TACC2: variants seen among roughly 807,000 people sequenced by gnomAD.
The protein encoded by TACC2 is transforming acidic coiled-coil containing protein 2.
In TACC2, 137 loss-of-function variants were observed where a neutral mutation model predicts 227.3. The ratio of observed to expected loss-of-function variants is 0.60; its 90% CI spans 0.52 to 0.69. TACC2 has a LOEUF of 0.69. Among genes scored for constraint, TACC2 ranks in the 30% least tolerant of loss-of-function variants. The probability of loss-of-function intolerance (pLI) is 0.00; values close to 1 mark genes in which losing one functional copy is unlikely to be tolerated. For synonymous variants in TACC2, 1,523 were observed against 1,487.5 expected, an observed-to-expected ratio of 1.02 and a Z score of -0.55; for missense variants, 3,470 against 3,694.4, an observed-to-expected ratio of 0.94 and a Z score of 1.57.
chr10:122,134,327 A>G (rs1183338450), intron 6 of TACC2, among the ~76,000 whole-genome samples: 1 of 150,744 alleles, frequency 6.6e-6, no homozygotes, highest in East Asian at 2.0e-4. Flanking sequence ...GTGCGCCACC[A>G]TGCCCACCTA....
chr10:122,236,022 T>C (rs2095851548), intron 16 of TACC2, among the ~76,000 whole-genome samples: 1 of 152,184 alleles, frequency 6.6e-6, no homozygotes, highest in Admixed American at 6.5e-5. Context: ...ACCCTGCATG[T>C]ATACAGCTAA....
At chr10:122,173,884 GC>G (rs1202405199) in intron 7 of TACC2, among the ~76,000 whole-genome samples, 3 of 152,176 alleles carry the variant, frequency 2.0e-5, no homozygotes, top group Non-Finnish European at 4.4e-5. Context: ...TTACCCTCCA[GC>G]CCCATGCACG....
intron 11 of TACC2, among the ~76,000 whole-genome samples, chr10:122,223,094 C>T (rs1317520440): frequency 6.9e-6 from 1 of 144,936 alleles, no homozygotes; most frequent in Non-Finnish European, 1.5e-5. Flanking sequence ...CACTCTGTTA[C>T]CCAGGTTGGA....
At chr10:122,165,909 T>C (rs1009318610) in intron 7 of TACC2, among the ~76,000 whole-genome samples, 2 of 152,222 alleles carry the variant, frequency 1.3e-5, no homozygotes, top group African/African-American at 4.8e-5. Context: ...ATTTTTCTAG[T>C]GCAGATGTGC....
intron 2 of TACC2, among the ~76,000 whole-genome samples, chr10:122,041,441 CTTTT>C (rs537169387): frequency 2.1e-5 from 3 of 140,184 alleles, no homozygotes; most frequent in Non-Finnish European, 4.6e-5. Context: ...AGTTTCCTTT[CTTTT>C]TTTTTTTTTT....
At chr10:122,207,213 C>A (rs2095141443) in intron 8 of TACC2, among the ~76,000 whole-genome samples, 1 of 151,850 alleles carries the variant, frequency 6.6e-6, no homozygotes. Context: ...ACAAGAGAAT[C>A]ACTTCAACCT....
At chr10:122,033,015 C>G (rs1194064941) in intron 2 of TACC2, 4 of 928,544 alleles carry the variant, frequency 4.3e-6, no homozygotes, top group Non-Finnish European at 5.9e-6. Context: ...CAAAAAAACC[C>G]CACAAAAACA....
chr10:122,165,849 G>A (rs546615111), intron 7 of TACC2, among the ~76,000 whole-genome samples: 1 of 152,068 alleles, frequency 6.6e-6, no homozygotes, highest in Non-Finnish European at 1.5e-5. Flanking sequence ...GCCATTGCTA[G>A]CATCTGTCCT....
At chr10:122,139,682 T>G (rs1240682204) in intron 6 of TACC2, among the ~76,000 whole-genome samples, 2 of 152,186 alleles carry the variant, frequency 1.3e-5, no homozygotes, top group Non-Finnish European at 2.9e-5. Flanking sequence ...TGCCCTATTA[T>G]GTGATCATGT....
At chr10:122,028,395 T>C (rs1296995758) in intron 2 of TACC2, among the ~76,000 whole-genome samples, 1 of 152,196 alleles carries the variant, frequency 6.6e-6, no homozygotes, top group Admixed American at 6.5e-5. Flanking sequence ...AAGCCTATTT[T>C]ATTTTTCATT....
At chr10:122,233,806 C>T (rs1044884290) in intron 16 of TACC2, among the ~76,000 whole-genome samples, 5 of 152,086 alleles carry the variant, frequency 3.3e-5, no homozygotes, top group African/African-American at 1.2e-4. Flanking sequence ...GCAGGAGCGG[C>T]TGGCTGTTGC....
chr10:122,219,030 A>AG (rs1555153693), intron 11 of TACC2, among the ~76,000 whole-genome samples: 5 of 143,844 alleles, frequency 3.5e-5, no homozygotes, highest in Non-Finnish European at 3.0e-5. Flanking sequence ...AAAAAAAAAA[A>AG]AAAAAGAAAA....
chr10:122,125,850 C>T (rs1353724770), intron 5 of TACC2, among the ~76,000 whole-genome samples: 1 of 143,338 alleles, frequency 7.0e-6, no homozygotes, highest in Non-Finnish European at 1.5e-5. Context: ...AATCTCAGTT[C>T]ACTGCAACTT....
Position 122,211,208 on chromosome 10 carries a change from C to T in TACC2, c.6783C>T (p.Leu2261=), listed in dbSNP as rs373331825. ...GGQEDSPAKG[L]SVRLEFDYSE... ...AAGAGGACTCTCCAGCCAAAGGGCT[C>T]TCCGTAAGGCTGGAGTTTGACTATT... Residue 2261 remains leucine, a synonymous_variant, in exon 9 of 23, where the codon CTC becomes CTT. Coordinates refer to ENST00000369005, the MANE Select transcript of TACC2 (RefSeq NM_206862.4). The T allele has an allele frequency of 1.7e-5, 28 of 1,613,908 alleles. No individual in the cohort carries two copies. The highest frequency in any genetic ancestry group is 2.1e-5 in the Non-Finnish European group (25 of 1,180,002).
At chr10:122,249,183 C>T (rs2096198296) in intron 21 of TACC2, 27 bp downstream of exon 21, 1 of 1,537,610 alleles carries the variant, frequency 6.5e-7, no homozygotes, top group Non-Finnish European at 8.9e-7. Flanking sequence ...GGGGGTGGCT[C>T]CCAGGGGCCT....
In TACC2 at chr10:122,102,423, C is replaced by T. The variant is rs190826708; in HGVS notation, c.5573+13832C>T. Among the ~76,000 whole-genome samples, 293 of 152,324 alleles carry T rather than the reference C, an allele frequency of 1.9e-3. 3 individuals carry two copies. Among genetic ancestry groups the T allele is most frequent in the Non-Finnish European group, 1.0e-3 (70 of 68,034 alleles). ...CATCAAGCCCACTGCATAGGCTGAA[C>T]TGAACCCCGTAACCGCGCCTCACTC... is the stretch of plus-strand genomic sequence containing the variant. On this transcript the variant is annotated intron_variant, in intron 5 of 22. Coordinates refer to ENST00000369005, the MANE Select transcript of TACC2 (RefSeq NM_206862.4).
intron 19 of TACC2, among the ~76,000 whole-genome samples, chr10:122,246,272 G>T (rs1458991262): frequency 6.6e-6 from 1 of 152,122 alleles, no homozygotes; most frequent in East Asian, 1.9e-4. Flanking sequence ...AGAGTTTTTG[G>T]AAATGAGGTG....
intron 2 of TACC2, among the ~76,000 whole-genome samples, chr10:122,024,200 T>C (rs1430305415): frequency 6.6e-6 from 1 of 152,048 alleles, no homozygotes; most frequent in Non-Finnish European, 1.5e-5. Flanking sequence ...AGACCCCATC[T>C]CTACCAAGGA....
chr10:122,079,305 C>T (rs1197997541), intron 3 of TACC2, among the ~76,000 whole-genome samples: 1 of 152,186 alleles, frequency 6.6e-6, no homozygotes, highest in Non-Finnish European at 1.5e-5. Flanking sequence ...CAGGCCAAGA[C>T]ACTTTATCCA....
Sources: allele counts gnomAD v4.1 joint callset (sites outside exome capture counted in the v4.1 genomes callset), GRCh38; gene constraint gnomAD v4.1.1; transcripts MANE v1.5; gene names NCBI Gene and HGNC (gene_info 2026-07-23, HGNC 2026-07-21).